Variants in LMNA observed in about 807,000 individuals in gnomAD.
The protein encoded by LMNA is lamin.
Under a neutral mutation model 70.4 loss-of-function variants are expected in LMNA, and 20 were observed. The ratio of observed to expected loss-of-function variants is 0.28; its 90% CI spans 0.20 to 0.41. LMNA has a LOEUF of 0.41. Among genes scored for constraint, LMNA ranks in the 10% least tolerant of loss-of-function variants. The probability of loss-of-function intolerance (pLI) is 1.00; values close to 1 mark genes in which losing one functional copy is unlikely to be tolerated. For synonymous variants in LMNA, 339 were observed against 372.8 expected (o/e 0.91, Z 1.04); for missense variants, 652 against 917.2 (o/e 0.71, Z 3.73).
chr1:156,131,908 G>A (rs1204957402), intron 2 of LMNA, among the ~76,000 whole-genome samples: 1 of 152,210 alleles, frequency 6.6e-6, no homozygotes, highest in African/African-American at 2.4e-5. Flanking sequence ...AGTGGCTCAC[G>A]CCTATAATCC....
Position 156,137,375 on chromosome 1 carries a change from A to G in LMNA, c.1608+143A>G, listed in dbSNP as rs41310120. On this transcript the variant is annotated intron_variant, in intron 9 of 11. Transcript: ENST00000368300. The surrounding 1 kb of genome is among the most constrained non-coding windows in gnomAD (Gnocchi z 4.6). ...TTGCAGGCTCCAGACTTCTCCACCCAGTAGGCAAACCAAAAGATGCTTCCT... is the reference window on the plus strand; with the variant it reads ...TTGCAGGCTCCAGACTTCTCCACCCGGTAGGCAAACCAAAAGATGCTTCCT... 72,843 of 1,120,130 alleles carry G rather than the reference A, an allele frequency of 0.065. 2,749 individuals carry two copies. The highest frequency in any genetic ancestry group is 0.096 in the Middle Eastern group (337 of 3,514). 69.4% of individuals were successfully genotyped at this position (1,120,130 alleles called of 1,614,324 possible).
At chr1:156,084,989 G>A (rs577830220) in intron 2 of LMNA, among the ~76,000 whole-genome samples, 8 of 152,332 alleles carry the variant, frequency 5.3e-5, no homozygotes. Flanking sequence ...GAAAGGTGGG[G>A]TGGGCGAGGC....
chr1:156,121,602 C>T (rs1370607178), intron 1 of LMNA, among the ~76,000 whole-genome samples: 1 of 151,974 alleles, frequency 6.6e-6, no homozygotes, highest in Non-Finnish European at 1.5e-5. Flanking sequence ...CGCTGAAGCC[C>T]AGGACAGCTG....
At chr1:156,124,140 T>C (rs565957126) in intron 1 of LMNA, among the ~76,000 whole-genome samples, 1 of 152,270 alleles carries the variant, frequency 6.6e-6, no homozygotes, top group Non-Finnish European at 1.5e-5. Flanking sequence ...TGGGTGCACA[T>C]GCCCGCGTGA....
intron 3 of LMNA, among the ~76,000 whole-genome samples, chr1:156,097,267 T>C (rs1436736335): frequency 6.6e-6 from 1 of 152,112 alleles, no homozygotes; most frequent in Non-Finnish European, 1.5e-5. Context: ...CAAGCAGTGA[T>C]TCACCACAGG....
chr1:156,117,969 A>ATTTTTTTTTTTTTTTT (rs1186679791), intron 1 of LMNA, among the ~76,000 whole-genome samples: 6 of 91,900 alleles, frequency 6.5e-5, no homozygotes, highest in Non-Finnish European at 8.0e-5. Context: ...CGCTTGGCTA[A>ATTTTTTTTTTTTTTTT]TTTTTTTTTT....
intron 3 of LMNA, among the ~76,000 whole-genome samples, chr1:156,091,671 A>C (rs1648708605): frequency 6.6e-6 from 1 of 152,162 alleles, no homozygotes; most frequent in South Asian, 2.1e-4. Flanking sequence ...CTGTGTCAGG[A>C]ACTATTCTAG....
chr1:156,116,962 G>A, intron 1 of LMNA, among the ~76,000 whole-genome samples: 1 of 151,590 alleles, frequency 6.6e-6, no homozygotes, highest in Non-Finnish European at 1.5e-5. Flanking sequence ...CACCCAGACT[G>A]GAGTGAAGTG....
chr1:156,112,468 G>T (rs1649575563), upstream of LMNA, among the ~76,000 whole-genome samples: 1 of 152,196 alleles, frequency 6.6e-6, no homozygotes, highest in Non-Finnish European at 1.5e-5. Flanking sequence ...CCAAGCAGCT[G>T]GGTAGGGGAA....
intron 1 of LMNA, chr1:156,126,352 C>T (rs979467119): frequency 4.3e-5 from 34 of 799,004 alleles, no homozygotes; most frequent in Non-Finnish European, 5.8e-5. Flanking sequence ...TTGCTTCTCC[C>T]CCAGATTGGG....
chr1:156,110,555 C>G (rs1236969598), upstream of LMNA, among the ~76,000 whole-genome samples: 1 of 152,148 alleles, frequency 6.6e-6, no homozygotes, highest in Admixed American at 6.5e-5. Context: ...TCCAAGAAAC[C>G]CTGAGAGGGC....
At chr1:156,084,101 G>A (rs915052315) in intron 2 of LMNA, among the ~76,000 whole-genome samples, 1 of 152,142 alleles carries the variant, frequency 6.6e-6, no homozygotes, top group Non-Finnish European at 1.5e-5. Context: ...AGCCACAGTG[G>A]TAAGGTGTCC....
In LMNA at chr1:156,103,847, CT is replaced by C. The variant is rs1456388359; in HGVS notation, c.-206-10865del. On this transcript the variant is annotated intron_variant, in intron 3 of 12. Coordinates refer to the LMNA transcript ENST00000368301. This position sits in a 1 kb window ranked among gnomAD's most constrained non-coding sequence, Gnocchi z 4.7. ...AAGGACCAGAGTAGGGAGTGGCCCT[CT>C]GGACCCCCTTCTCTGGCTCCACCAG... Among the ~76,000 whole-genome samples, 1 of 152,176 alleles carries C rather than the reference CT, an allele frequency of 6.6e-6. No homozygotes were observed. The highest frequency in any genetic ancestry group is 1.5e-5 in the Non-Finnish European group (1 of 68,022).
intron 1 of LMNA, chr1:156,126,218 G>C (rs896190740): frequency 6.6e-7 from 1 of 1,522,906 alleles, no homozygotes; most frequent in Non-Finnish European, 8.8e-7. Flanking sequence ...GGAACTCTGA[G>C]GGCTGGTGAG....
At chr1:156,127,955 G>C (rs1398954034) in intron 1 of LMNA, among the ~76,000 whole-genome samples, 1 of 151,974 alleles carries the variant, frequency 6.6e-6, no homozygotes, top group Non-Finnish European at 1.5e-5. Flanking sequence ...CAAAGTGCTG[G>C]GATTACAGGT....
intron 1 of LMNA, among the ~76,000 whole-genome samples, chr1:156,119,203 C>T (rs894842994): frequency 2.6e-5 from 4 of 151,834 alleles, no homozygotes; most frequent in Admixed American, 2.6e-4. Context: ...TTGCAACCTC[C>T]ACCTCCCAGG....
Position 156,139,622 on chromosome 1 carries a change from C to G in LMNA, c.*516C>G. 1 of 1,438,130 alleles carries G rather than the reference C, an allele frequency of 7.0e-7. No individual in the cohort carries two copies. Among genetic ancestry groups the G allele is most frequent in the East Asian group, 2.7e-5 (1 of 36,852 alleles). 89.1% of individuals were successfully genotyped at this position (1,438,130 alleles called of 1,614,324 possible). On this transcript the variant is annotated 3_prime_UTR_variant, in exon 12 of 12. Transcript: ENST00000368300. The stretch of plus-strand genomic sequence containing the variant: ...GAGAGAGAGGACAGCTTGAGCCGGG[C>G]CCCTGGGCTTGGCCTGCTGTGATTC...
intron 1 of LMNA, among the ~76,000 whole-genome samples, chr1:156,128,059 C>T (rs1018219419): frequency 6.6e-6 from 1 of 152,072 alleles, no homozygotes; most frequent in Non-Finnish European, 1.5e-5. Flanking sequence ...TTCCAGCTCC[C>T]CTATCTACTT....
intron 3 of LMNA, among the ~76,000 whole-genome samples, chr1:156,102,538 A>G (rs112646939): frequency 2.0e-4 from 30 of 152,124 alleles, no homozygotes; most frequent in African/African-American, 6.5e-4. Context: ...CACCCTCGAG[A>G]GAGCTGAATT....
Sources: gnomAD v4.1 joint callset for allele counts (sites outside exome capture counted in the v4.1 genomes callset) on GRCh38, gnomAD v4.1.1 for gene constraint, Gnocchi (gnomAD v3.1) non-coding constraint, MANE v1.5 for transcripts, NCBI Gene and HGNC (gene_info 2026-07-23, HGNC 2026-07-21) for gene names.